Variants in ZAP70 observed in about 807,000 individuals in gnomAD.
ZAP70 encodes the protein tyrosine-protein kinase ZAP-70.
Under a neutral mutation model 65.8 loss-of-function variants are expected in ZAP70, and 27 were observed. The observed-to-expected ratio is 0.41, with a 90% CI of 0.30 to 0.57. ZAP70 has a LOEUF of 0.57. ZAP70 is among the 20% of genes least tolerant of loss of function. The pLI, the probability that ZAP70 is intolerant of heterozygous loss-of-function variation, is 0.28. For synonymous variants in ZAP70, 363 were observed against 360.8 expected (o/e 1.01, Z -0.07); for missense variants, 696 against 870.5 (o/e 0.80, Z 2.52).
Position 97,739,595 on chromosome 2 carries a change from C to T in ZAP70, c.*97C>T. On this transcript the variant is annotated 3_prime_UTR_variant, in exon 14 of 14. Coordinates refer to ENST00000264972, the MANE Select transcript of ZAP70 (RefSeq NM_001079.4). Reference sequence around the variant, plus strand: ...CTGGCTGAGCCCTGCTTGGTTGTCTCCACACACAGCTGGGCTGTGGTAGGG... The same window carrying T: ...CTGGCTGAGCCCTGCTTGGTTGTCTTCACACACAGCTGGGCTGTGGTAGGG... The T allele has an allele frequency of 6.6e-7, 1 of 1,506,324 alleles. No individual in the cohort carries two copies. 93.3% of individuals were successfully genotyped at this position (1,506,324 alleles called of 1,614,324 possible). A position where few individuals can be genotyped will look rare whatever the true frequency, so the allele number is the denominator to read the frequency against.
At chr2:97,722,783 T>C (rs1291751378) in intron 2 of ZAP70, among the ~76,000 whole-genome samples, 1 of 152,242 alleles carries the variant, frequency 6.6e-6, no homozygotes, top group Non-Finnish European at 1.5e-5. Flanking sequence ...TGGCTGTCTA[T>C]CCTTTTATCC....
In ZAP70 at chr2:97,737,905, C is replaced by A. The variant is rs762526632; in HGVS notation, c.1623+8C>A. On this transcript the variant is annotated splice_region_variant and intron_variant, in intron 12 of 13. Transcript: ENST00000264972. The surrounding 1 kb of genome is among the most constrained non-coding windows in gnomAD (Gnocchi z 5.0). ...GGCCAGAAGCCCTACAAGGCAGGCG[C>A]GGGCAGAGGCAGGTGGGCGGTGTGG... The A allele has an allele frequency of 4.3e-6, 7 of 1,613,948 alleles. No homozygotes were observed. Among genetic ancestry groups the A allele is most frequent in the African/African-American group, 2.7e-5 (2 of 74,908 alleles).
Position 97,738,088 on chromosome 2 carries a change from A to T in ZAP70, c.1717A>T (p.Ser573Cys), listed in dbSNP as rs748826759. The T allele has an allele frequency of 6.2e-7, 1 of 1,605,224 alleles. No individual in the cohort carries two copies. The highest frequency in any genetic ancestry group is 8.5e-7 in the Non-Finnish European group (1 of 1,175,716). Residue 573 changes from serine to cysteine, a missense_variant, in exon 13 of 14, where the codon AGT becomes TGT. Physicochemically the swap from Ser to Cys is moderately radical, Grantham distance 112 (BLOSUM62 -1). Coordinates refer to ENST00000264972, the MANE Select transcript of ZAP70 (RefSeq NM_001079.4). ...ECPPELYALM[S>C]DCWIYKWEDR... The stretch of plus-strand genomic sequence containing the variant: ...TCCACCCGAACTGTACGCACTCATG[A>T]GTGACTGCTGGATCTACAAGTGAGT...
chr2:97,728,378 A>G (rs1466058337), intron 4 of ZAP70, among the ~76,000 whole-genome samples: 1 of 152,246 alleles, frequency 6.6e-6, no homozygotes, highest in African/African-American at 2.4e-5. Context: ...TGGTATGAGG[A>G]CAATGACTCA....
chr2:97,724,422 A>G lies in ZAP70; in HGVS notation c.386A>G (p.Gln129Arg). The G allele has an allele frequency of 6.5e-7, 1 of 1,536,682 alleles. No individual in the cohort carries two copies. Among genetic ancestry groups the G allele is most frequent in the Non-Finnish European group, 8.8e-7 (1 of 1,142,832 alleles). Residue 129 changes from glutamine (Q) to arginine (R), a missense_variant, in exon 3 of 14, where the codon CAG becomes CGG. By Grantham distance (43) the Gln-to-Arg change is conservative. Around this residue, in one of 3 missense-constraint regions of ZAP70, gnomAD observed 551 missense variants for 630.0 expected, o/e 0.87. Coordinates refer to ENST00000264972, the MANE Select transcript of ZAP70 (RefSeq NM_001079.4). The stretch of plus-strand genomic sequence containing the variant: ...GCCATGGTGCGTGACTACGTGCGCC[A>G]GACGTGGAAGCTGGAGGTGAGAGCG... ...RDAMVRDYVR[Q>R]TWKLEGEALE...
chr2:97,732,600 G>C (rs559421635), intron 4 of ZAP70: 2 of 529,884 alleles, frequency 3.8e-6, no homozygotes, highest in Non-Finnish European at 6.8e-6. Context: ...GGTGTCCACC[G>C]TGGGGGGTCA....
chr2:97,725,113 A>G lies in ZAP70; in HGVS notation c.424A>G (p.Ile142Val), dbSNP rs1402343539. The stretch of plus-strand genomic sequence containing the variant: ...CTAGGGCGAGGCCCTGGAGCAGGCC[A>G]TCATCAGCCAGGCCCCGCAGGTGGA... ...KLEGEALEQA[I>V]ISQAPQVEKL... is the part of the protein sequence containing the mutation. The change falls in exon 4 of 14, where the codon ATC becomes GTC. Residue 142 changes from isoleucine (I) to valine (V), a missense_variant. Around this residue, in one of 3 missense-constraint regions of ZAP70, gnomAD observed 551 missense variants for 630.0 expected, o/e 0.87. Transcript: ENST00000264972. 1.2e-6 allele frequency: 2 copies of G among 1,613,970 alleles called. No individual in the cohort carries two copies. The highest frequency in any genetic ancestry group is 1.7e-6 in the Non-Finnish European group (2 of 1,180,016).
At chr2:97,741,767 A>G (rs1003049090), downstream of ZAP70, among the ~76,000 whole-genome samples, 1 of 152,246 alleles carries the variant, frequency 6.6e-6, no homozygotes, top group African/African-American at 2.4e-5. Context: ...TTACCGTTCC[A>G]AGACCATACA....
At chr2:97,746,206 T>C in the ZAP70 span, among the ~76,000 whole-genome samples, 1 of 152,002 alleles carries the variant, frequency 6.6e-6, no homozygotes, top group South Asian at 2.1e-4. Context: ...GTTTACAGAG[T>C]TTCTGTTGGG....
chr2:97,736,317 C>A lies in ZAP70; in HGVS notation c.1289+861C>A, dbSNP rs541600488. 3.9e-5 allele frequency among the ~76,000 whole-genome samples: 6 copies of A among 152,288 alleles called. No homozygotes were observed. The East Asian group carries it at 9.6e-4, about 24-fold the overall frequency. ...GTGGTTCCTCATCCCCAAACTCTTA[C>A]CCTCACAGACACAAGTTCTGCACTC... On this transcript the variant is annotated intron_variant, in intron 10 of 13. Coordinates refer to ENST00000264972, the MANE Select transcript of ZAP70 (RefSeq NM_001079.4). This position sits in a 1 kb window ranked among gnomAD's most constrained non-coding sequence, Gnocchi z 4.0.
rs1025521945 is a variant in ZAP70 at position 97,734,421 on chromosome 2, C to T, written c.890-99C>T. The T allele has an allele frequency of 1.2e-4, 178 of 1,478,824 alleles. No individual in the cohort carries two copies. The Admixed American group carries it at 3.2e-3, about 26-fold the overall frequency. The allele number at this position is 1,478,824 out of a possible 1,614,324, so 91.6% of individuals were successfully genotyped here. ...CACCTGCTTGTGCATGCTCCAGGGACGGCACCCTTGTCTGGGGCAGGTGCT... is the reference window on the plus strand; with the variant it reads ...CACCTGCTTGTGCATGCTCCAGGGATGGCACCCTTGTCTGGGGCAGGTGCT... On this transcript the variant is annotated intron_variant, in intron 8 of 13. Transcript: ENST00000264972.
rs1288313524 is a variant in ZAP70, at chr2:97,724,810, G to T, written c.403-282G>T. On this transcript the variant is annotated intron_variant, in intron 3 of 13. Transcript: ENST00000264972. ...CTGTTGGGGAAGATGGGCAGTAGTC[G>T]TCCACAGCCTGAGTGACACCACCAT... The T allele has an allele frequency of 4.6e-6, 7 of 1,510,430 alleles. No individual in the cohort carries two copies. In the East Asian group the frequency reaches 1.8e-4, roughly 39 times the overall value. 93.6% of individuals were successfully genotyped at this position (1,510,430 alleles called of 1,614,324 possible).
At chr2:97,727,616 G>T (rs898774944) in intron 4 of ZAP70, among the ~76,000 whole-genome samples, 2 of 152,194 alleles carry the variant, frequency 1.3e-5, no homozygotes, top group African/African-American at 2.4e-5. Flanking sequence ...ACGCGAAGAA[G>T]GCTCTAAACC....
chr2:97,734,487 C>G, intron 8 of ZAP70, 33 bp from the exon 9 acceptor site: 1 of 1,600,988 alleles, frequency 6.2e-7, no homozygotes. Context: ...ACCCCTGCCC[C>G]TGACCTGGGA....
chr2:97,728,798 G>A (rs1677493561), intron 4 of ZAP70, among the ~76,000 whole-genome samples: 1 of 152,210 alleles, frequency 6.6e-6, no homozygotes, highest in Non-Finnish European at 1.5e-5. Flanking sequence ...TGTCACCCAG[G>A]CTGGAGCACA....
chr2:97,731,007 A>T lies in ZAP70; in HGVS notation c.564-1876A>T, dbSNP rs1677577061. Among the ~76,000 whole-genome samples, 1 of 150,080 alleles carries T rather than the reference A, an allele frequency of 6.7e-6. No individual in the cohort carries two copies. Among genetic ancestry groups the T allele is most frequent in the Admixed American group, 6.7e-5 (1 of 14,994 alleles). ...GAGGCAGAGCTTGCAGTGAGCCGAG[A>T]TCACGCCACTGCACTCCAGCCCGGG... On this transcript the variant is annotated intron_variant, in intron 4 of 13. Transcript: ENST00000264972. The surrounding 1 kb of genome is among the most constrained non-coding windows in gnomAD (Gnocchi z 4.0).
chr2:97,732,922 C>G lies in ZAP70; in HGVS notation c.603C>G (p.Ser201=). Reference sequence around the variant, plus strand: ...AGGAGCAGGGCACATACGCCCTGTCCCTCATCTATGGGAAGACGGTGTACC... The same window carrying G: ...AGGAGCAGGGCACATACGCCCTGTCGCTCATCTATGGGAAGACGGTGTACC... The part of the protein sequence containing the change: ...PRKEQGTYAL[S]LIYGKTVYHY... The change falls in exon 5 of 14, where the codon TCC becomes TCG. Residue 201 remains serine (S), a synonymous_variant. Coordinates refer to ENST00000264972, the MANE Select transcript of ZAP70 (RefSeq NM_001079.4). 2 of 1,614,050 alleles carry G rather than the reference C, an allele frequency of 1.2e-6. No individual in the cohort carries two copies. The highest frequency in any genetic ancestry group is 1.7e-6 in the Non-Finnish European group (2 of 1,180,028).
At chr2:97,743,194 A>G (rs1678171266), downstream of ZAP70, among the ~76,000 whole-genome samples, 1 of 152,130 alleles carries the variant, frequency 6.6e-6, no homozygotes, top group Admixed American at 6.5e-5. Context: ...TGCCACTAAA[A>G]TCCCATGTGG....
At chr2:97,716,215 T>G (rs1573246347) in intron 2 of ZAP70, among the ~76,000 whole-genome samples, 1 of 152,124 alleles carries the variant, frequency 6.6e-6, no homozygotes, top group East Asian at 1.9e-4. Flanking sequence ...CCCGCCATCC[T>G]CCACCCAAGG....
Sources: gnomAD v4.1 joint callset for allele counts (sites outside exome capture counted in the v4.1 genomes callset) on GRCh38, gnomAD v4.1.1 for gene constraint, gnomAD v4.1.1 regional missense constraint, Gnocchi (gnomAD v3.1) non-coding constraint, MANE v1.5 for transcripts, NCBI Gene and HGNC (gene_info 2026-07-23, HGNC 2026-07-21) for gene names.